The following ROBO2 variants were observed in gnomAD, a reference collection of about 807,000 sequenced individuals.
The protein encoded by ROBO2 is roundabout homolog 2.
ROBO2 carries 53 observed loss-of-function variants against 160.8 expected under a neutral mutation model. The ratio of observed to expected loss-of-function variants is 0.33; its 90% CI spans 0.26 to 0.41. ROBO2 has a LOEUF of 0.41. Ranked by LOEUF, ROBO2 falls within the 10% of genes least tolerant of loss-of-function variation. The pLI, the probability that ROBO2 is intolerant of heterozygous loss-of-function variation, is 1.00. For synonymous variants in ROBO2, 664 were observed against 611.7 expected (o/e 1.09, Z -1.26); for missense variants, 1,577 against 1,722.4 (o/e 0.92, Z 1.49).
At chr3:77,044,420 G>C (rs923288069) in intron 1 of ROBO2, among the ~76,000 whole-genome samples, 2 of 152,070 alleles carry the variant, frequency 1.3e-5, no homozygotes, top group African/African-American at 2.4e-5. Context: ...TTTTCGAAGA[G>C]TATTAGAAAA....
chr3:76,569,363 T>C (rs1296911731), intron 2 of ROBO2, among the ~76,000 whole-genome samples: 1 of 152,144 alleles, frequency 6.6e-6, no homozygotes, highest in Non-Finnish European at 1.5e-5. Context: ...ATAATGAGTG[T>C]TTATAAAAAT....
chr3:76,446,777 A>G (rs1398953575), intron 2 of ROBO2, among the ~76,000 whole-genome samples: 1 of 152,188 alleles, frequency 6.6e-6, no homozygotes, highest in Non-Finnish European at 1.5e-5. Context: ...CCTGAGAAAA[A>G]CAAGCAATGG....
chr3:76,015,080 C>T (rs374175561), intron 2 of ROBO2, among the ~76,000 whole-genome samples: 47 of 152,234 alleles, frequency 3.1e-4, no homozygotes, highest in East Asian at 2.7e-3. Context: ...GTCCAGTCTT[C>T]GGCTCCTTTT....
chr3:76,674,565 A>G (rs887366269), intron 2 of ROBO2, among the ~76,000 whole-genome samples: 1 of 150,162 alleles, frequency 6.7e-6, no homozygotes, highest in African/African-American at 2.4e-5. Flanking sequence ...TCTAATAGAG[A>G]CTGTGTTTTC....
At chr3:76,951,047 G>A (rs2078925460) in intron 2 of ROBO2, among the ~76,000 whole-genome samples, 1 of 152,126 alleles carries the variant, frequency 6.6e-6, no homozygotes, top group Non-Finnish European at 1.5e-5. Flanking sequence ...ACTTTCTTAA[G>A]AATATGTCTT....
At chr3:76,401,851 G>A (rs1180085124) in intron 2 of ROBO2, among the ~76,000 whole-genome samples, 1 of 151,396 alleles carries the variant, frequency 6.6e-6, no homozygotes, top group South Asian at 2.1e-4. Flanking sequence ...TATTTTACAT[G>A]TTCTAGTTTG....
chr3:77,390,984 AG>A (rs2153500620), intron 2 of ROBO2, among the ~76,000 whole-genome samples: 1 of 152,144 alleles, frequency 6.6e-6, no homozygotes, highest in South Asian at 2.1e-4. Flanking sequence ...TTTGAATTTC[AG>A]ACCTGCCTTC....
chr3:76,364,405 G>A (rs1387744183), intron 2 of ROBO2, among the ~76,000 whole-genome samples: 2 of 151,588 alleles, frequency 1.3e-5, no homozygotes, highest in African/African-American at 4.8e-5. Context: ...CATTAGATGT[G>A]AGCTTCATGA....
intron 2 of ROBO2, among the ~76,000 whole-genome samples, chr3:76,091,475 T>G (rs1244057085): frequency 6.6e-6 from 1 of 152,168 alleles, no homozygotes; most frequent in Non-Finnish European, 1.5e-5. Flanking sequence ...TCATTGCTGC[T>G]GGGGGCTACA....
intron 2 of ROBO2, among the ~76,000 whole-genome samples, chr3:76,194,479 ATCAT>A (rs1174788899): frequency 6.6e-6 from 1 of 150,850 alleles, no homozygotes; most frequent in Non-Finnish European, 1.5e-5. Context: ...GGGAATACAA[ATCAT>A]TCAAGAGTCT....
intron 2 of ROBO2, among the ~76,000 whole-genome samples, chr3:77,274,503 G>A (rs2059700232): frequency 6.6e-6 from 1 of 151,998 alleles, no homozygotes; most frequent in Admixed American, 6.6e-5. Context: ...TTGTCACTTT[G>A]AAACCACTTT....
chr3:76,620,865 T>C (rs1177274192), intron 2 of ROBO2, among the ~76,000 whole-genome samples: 3 of 152,204 alleles, frequency 2.0e-5, no homozygotes, highest in Non-Finnish European at 4.4e-5. Flanking sequence ...TGGAGTAGTA[T>C]GCACGTGCTA....
chr3:77,485,703 T>C (rs1196378634), intron 4 of ROBO2, among the ~76,000 whole-genome samples: 1 of 152,150 alleles, frequency 6.6e-6, no homozygotes, highest in Non-Finnish European at 1.5e-5. Context: ...TAGCATCCTG[T>C]TCTTGTTTCA....
At chr3:76,636,069 AAAT>A (rs1409468958) in intron 2 of ROBO2, among the ~76,000 whole-genome samples, 2 of 152,194 alleles carry the variant, frequency 1.3e-5, no homozygotes, top group African/African-American at 2.4e-5. Context: ...ATATTTCATA[AAAT>A]AATAGTCACA....
chr3:76,306,357 C>G (rs1427623296), intron 2 of ROBO2, among the ~76,000 whole-genome samples: 3 of 151,746 alleles, frequency 2.0e-5, no homozygotes, highest in African/African-American at 7.3e-5. Context: ...AGTAACATAA[C>G]TCACATTATG....
chr3:76,515,281 TAAAC>T (rs1270429761), intron 2 of ROBO2, among the ~76,000 whole-genome samples: 1 of 152,170 alleles, frequency 6.6e-6, no homozygotes, highest in Non-Finnish European at 1.5e-5. Flanking sequence ...TCTTTAAAAT[TAAAC>T]AAAGCATTCA....
intron 2 of ROBO2, among the ~76,000 whole-genome samples, chr3:76,813,539 T>C (rs1051431493): frequency 6.6e-6 from 1 of 152,172 alleles, no homozygotes; most frequent in Non-Finnish European, 1.5e-5. Context: ...ACAAATGATG[T>C]AGTCTCTAAT....
intron 2 of ROBO2, among the ~76,000 whole-genome samples, chr3:76,596,462 G>A (rs1218920339): frequency 1.3e-5 from 2 of 152,076 alleles, no homozygotes; most frequent in Non-Finnish European, 2.9e-5. Context: ...TGGAAAACCG[G>A]CAGCAGATAG....
At chr3:77,549,607 G>C (rs1468799211) in intron 7 of ROBO2, among the ~76,000 whole-genome samples, 1 of 151,944 alleles carries the variant, frequency 6.6e-6, no homozygotes, top group Non-Finnish European at 1.5e-5. Flanking sequence ...TGTCACACTT[G>C]AATCTAATAA....
Sources: gnomAD v4.1 joint callset for allele counts (sites outside exome capture counted in the v4.1 genomes callset) on GRCh38, gnomAD v4.1.1 for gene constraint, MANE v1.5 for transcripts, NCBI Gene and HGNC (gene_info 2026-07-23, HGNC 2026-07-21) for gene names.